RABL6: variants seen among roughly 807,000 people sequenced by gnomAD.
The protein encoded by RABL6 is RAB, member RAS oncogene family like 6, also known as rab-like protein 6.
In RABL6, 28 loss-of-function variants were observed where a neutral mutation model predicts 72.9. The observed-to-expected ratio is 0.38, with a 90% confidence interval of 0.28 to 0.53. The LOEUF is 0.53. RABL6 is among the 20% of genes least tolerant of loss of function. The pLI is 0.80. For missense variants in RABL6, 1,029 were observed against 1,008.4 expected (o/e 1.02, Z -0.28); for synonymous variants, 477 against 421.2 (o/e 1.13, Z -1.62).
At chr9:136,834,073 A>G in intron 7 of RABL6, 1 of 1,431,618 alleles carries the variant, frequency 7.0e-7, no homozygotes, top group South Asian at 1.6e-5. Flanking sequence ...TTTGCTATGG[A>G]TGTGTTCAAG....
chr9:136,822,857 G>A (rs1219849855), intron 1 of RABL6, among the ~76,000 whole-genome samples: 3 of 152,218 alleles, frequency 2.0e-5, no homozygotes, highest in Admixed American at 6.5e-5. Flanking sequence ...GGGAGGCCAA[G>A]GCGGGCGGAT....
At chr9:136,820,907 C>T (rs1185075973) in intron 1 of RABL6, among the ~76,000 whole-genome samples, 1 of 152,180 alleles carries the variant, frequency 6.6e-6, no homozygotes, top group Non-Finnish European at 1.5e-5. Context: ...CTCCGTGCAT[C>T]CAGATGGTGG....
At position 136,808,194 on chromosome 9, in the gene RABL6, A is replaced by C; in HGVS notation, c.-3A>C. Reference sequence around the variant, plus strand: ...GCCCGGGCTGGGACGTCCGAGCGGGAAGATGTTTTCCGCCCTGAAGAAGCT... The same window carrying C: ...GCCCGGGCTGGGACGTCCGAGCGGGCAGATGTTTTCCGCCCTGAAGAAGCT... On this transcript the variant is annotated 5_prime_UTR_variant, in exon 1 of 15. Coordinates refer to ENST00000311502, the MANE Select transcript of RABL6 (RefSeq NM_024718.5). 2 of 1,525,210 alleles carry C rather than the reference A, an allele frequency of 1.3e-6. No individual in the cohort carries two copies. The highest frequency in any genetic ancestry group is 1.8e-6 in the Non-Finnish European group (2 of 1,137,718). 94.5% of individuals were successfully genotyped at this position (1,525,210 alleles called of 1,614,324 possible).
chr9:136,838,874 C>T (rs371297265), intron 10 of RABL6, 35 bp from the exon 11 acceptor site: 967 of 1,503,724 alleles, frequency 6.4e-4, no homozygotes, highest in Non-Finnish European at 7.3e-4. Flanking sequence ...ATCCCTACCC[C>T]GTGGCCCTTG....
Position 136,831,702 on chromosome 9 carries a change from T to C in RABL6, c.459-19T>C, listed in dbSNP as rs780819721. The stretch of plus-strand genomic sequence containing the variant: ...GTCGCAGGGCTGAAACTAAGCCAGG[T>C]CCTCACCTGTTCTCCGAGGACCTTC... On this transcript the variant is annotated intron_variant, in intron 5 of 14. Transcript: ENST00000311502. The C allele has an allele frequency of 5.6e-6, 9 of 1,612,440 alleles. No individual in the cohort carries two copies. The South Asian group carries it at 8.8e-5, about 16-fold the overall frequency.
intron 5 of RABL6, among the ~76,000 whole-genome samples, chr9:136,830,119 C>G (rs112819756): frequency 1.1e-3 from 168 of 152,372 alleles, no homozygotes; most frequent in African/African-American, 4.0e-3. Context: ...CCCTCCTAGC[C>G]ACAGCCAGTG....
rs1226480057 is a variant in RABL6 at position 136,821,396 on chromosome 9, C to T, written c.131-2129C>T. ...ACCACCGGGAAGCACAGCGCGTGGGCCGCCTGAGCGGTGCCGGGGCGGGGA... is the reference window on the plus strand; with the variant it reads ...ACCACCGGGAAGCACAGCGCGTGGGTCGCCTGAGCGGTGCCGGGGCGGGGA... On this transcript the variant is annotated intron_variant, in intron 1 of 14. Coordinates refer to ENST00000311502, the MANE Select transcript of RABL6 (RefSeq NM_024718.5). The T allele has an allele frequency of 3.9e-5, 38 of 985,350 alleles. No individual in the cohort carries two copies. In the Admixed American group the frequency reaches 1.1e-3, roughly 29 times the overall value. The allele number at this position is 985,350 out of a possible 1,614,324, so 61.0% of individuals were successfully genotyped here. A position where few individuals can be genotyped will look rare whatever the true frequency, so the allele number is the denominator to read the frequency against.
At chr9:136,819,954 G>C (rs143766197) in intron 1 of RABL6, among the ~76,000 whole-genome samples, 1 of 152,132 alleles carries the variant, frequency 6.6e-6, no homozygotes, top group East Asian at 1.9e-4. Flanking sequence ...TGTAATCCTA[G>C]CACTTTAGGA....
Position 136,839,297 on chromosome 9 carries a change from T to C in RABL6, c.1569T>C (p.Gly523=). The C allele has an allele frequency of 1.2e-6, 2 of 1,611,768 alleles. No homozygotes were observed. The highest frequency in any genetic ancestry group is 1.7e-6 in the Non-Finnish European group (2 of 1,179,510). The change falls in exon 12 of 15, where the codon GGT becomes GGC. Residue 523 remains glycine (G), a synonymous_variant. Coordinates refer to ENST00000311502, the MANE Select transcript of RABL6 (RefSeq NM_024718.5). Reference sequence around the variant, plus strand: ...CCGCAGCACCCCCCTGGCCAGGCGGTGTCTCTGTTCGCACAGGTCCGGAGA... The same window carrying C: ...CCGCAGCACCCCCCTGGCCAGGCGGCGTCTCTGTTCGCACAGGTCCGGAGA... The part of the protein sequence containing the change: ...TRTAAPPWPG[G]VSVRTGPEKR...
chr9:136,822,812 C>T (rs1848267883), intron 1 of RABL6, among the ~76,000 whole-genome samples: 1 of 152,184 alleles, frequency 6.6e-6, no homozygotes, highest in Non-Finnish European at 1.5e-5. Flanking sequence ...GACGCCAGGG[C>T]TCGCAGTGGC....
chr9:136,818,677 G>A (rs1033927721), intron 1 of RABL6, among the ~76,000 whole-genome samples: 15 of 152,162 alleles, frequency 9.9e-5, no homozygotes, highest in African/African-American at 3.6e-4. Flanking sequence ...CCCGGGAGGT[G>A]GAGGTTGCAG....
intron 2 of RABL6, 74 bp from the exon 3 acceptor site, chr9:136,825,705 C>A: frequency 1.3e-6 from 2 of 1,522,978 alleles, no homozygotes; most frequent in Middle Eastern, 1.7e-4. Flanking sequence ...CAGACAACCA[C>A]ACCAGCTGGA....
intron 5 of RABL6, among the ~76,000 whole-genome samples, chr9:136,831,491 A>G (rs1740955637): frequency 6.6e-6 from 1 of 152,082 alleles, no homozygotes; most frequent in Admixed American, 6.5e-5. Context: ...GGGTGCGGTC[A>G]AGTACCTGCC....
At chr9:136,824,326 G>GTTTTTTT (rs34760204) in intron 2 of RABL6, among the ~76,000 whole-genome samples, 7 of 75,050 alleles carry the variant, frequency 9.3e-5, no homozygotes, top group Admixed American at 1.7e-4. Flanking sequence ...GTTTGGTTGG[G>GTTTTTTT]TTTTTTTTTT....
chr9:136,839,326 G>A lies in RABL6; in HGVS notation c.1598G>A (p.Arg533His), dbSNP rs191432837. The A allele has an allele frequency of 5.2e-4, 846 of 1,612,498 alleles. 4 individuals carry two copies. The African/African-American group carries it at 9.4e-3, about 18-fold the overall frequency. Residue 533 changes from arginine (R) to histidine (H), a missense_variant, in exon 12 of 15, where the codon CGC (arginine) becomes CAC (histidine). Transcript: ENST00000311502. ...GVSVRTGPEK[R>H]SSTRPPAEME... is the part of the protein sequence containing the mutation. Reference sequence around the variant, plus strand: ...TCTGTTCGCACAGGTCCGGAGAAGCGCAGCAGCACCAGGCCCCCTGCTGAG... The same window carrying A: ...TCTGTTCGCACAGGTCCGGAGAAGCACAGCAGCACCAGGCCCCCTGCTGAG...
rs766574511 is a variant in RABL6, at chr9:136,840,183, A to G, written c.1960A>G (p.Lys654Glu). Residue 654 changes from lysine (K) to glutamate (E), a missense_variant, in exon 14 of 15, where the codon AAG (lysine) becomes GAG (glutamate). Physicochemically the swap from Lys to Glu is moderately conservative, Grantham distance 56. Around this residue, in one of 2 missense-constraint regions of RABL6, gnomAD observed 595 missense variants for 472.4 expected, o/e 1.26. Coordinates refer to ENST00000311502, the MANE Select transcript of RABL6 (RefSeq NM_024718.5). ...GKEGKTPSKEKKKKKKKGKEE... is the reference protein window; with the variant it reads ...GKEGKTPSKEEKKKKKKGKEE... ...GGAGGGCAAAACCCCCTCTAAGGAG[A>G]AGAAGAAGAAGAAGAAAAAAGGCAA... 74 of 1,600,896 alleles carry G rather than the reference A, an allele frequency of 4.6e-5. No individual in the cohort carries two copies. Among genetic ancestry groups the G allele is most frequent in the East Asian group, 6.7e-5 (3 of 44,462 alleles).
At chr9:136,837,269 CAG>C in intron 8 of RABL6, 75 bp from the exon 9 acceptor site, 2 of 1,444,400 alleles carry the variant, frequency 1.4e-6, no homozygotes, top group Non-Finnish European at 1.9e-6. Flanking sequence ...GCAGCAGCAG[CAG>C]AGAGCCCCCT....
At chr9:136,831,577 A>G (rs1848474598) in intron 5 of RABL6, 144 bp from the exon 6 acceptor site, 2 of 1,217,040 alleles carry the variant, frequency 1.6e-6, no homozygotes, top group East Asian at 2.4e-5. Flanking sequence ...CTAGCTCTGC[A>G]TGCACGAGGC....
At chr9:136,837,807 G>T in intron 9 of RABL6, 55 bp from the exon 10 acceptor site, 5 of 1,542,046 alleles carry the variant, frequency 3.2e-6, no homozygotes, top group Non-Finnish European at 2.6e-6. Context: ...CTTGGGGTTG[G>T]GTGCAGTGAG....
Sources: allele counts gnomAD v4.1 joint callset (sites outside exome capture counted in the v4.1 genomes callset), GRCh38; gene constraint gnomAD v4.1.1; regional missense constraint gnomAD v4.1.1; transcripts MANE v1.5; gene names NCBI Gene and HGNC (gene_info 2026-07-23, HGNC 2026-07-21).